Variants in MAPK9 observed in about 807,000 individuals in gnomAD.
The protein encoded by MAPK9 is mitogen-activated protein kinase 9.
In MAPK9, 30 loss-of-function variants were observed where a neutral mutation model predicts 57.1. That is an observed-to-expected ratio of 0.53 (90% CI 0.39 to 0.71). The LOEUF (loss-of-function observed/expected upper bound fraction) is 0.71, where lower values mean the gene tolerates loss of function less well. Among genes scored for constraint, MAPK9 ranks in the 30% least tolerant of loss-of-function variants. The pLI is 0.00. For synonymous variants in MAPK9, 155 were observed against 177.0 expected, an observed-to-expected ratio of 0.88 and a Z score of 0.99; for missense variants, 362 against 521.0, an observed-to-expected ratio of 0.69 and a Z score of 2.97.
At chr5:180,274,007 T>C (rs1224344790) in intron 2 of MAPK9, among the ~76,000 whole-genome samples, 1 of 152,212 alleles carries the variant, frequency 6.6e-6, no homozygotes, top group Non-Finnish European at 1.5e-5. Context: ...ACGACTGAGA[T>C]TTGATTGCAA....
chr5:180,279,391 A>G (rs1762114370), intron 2 of MAPK9, among the ~76,000 whole-genome samples: 1 of 152,188 alleles, frequency 6.6e-6, no homozygotes, highest in Non-Finnish European at 1.5e-5. Flanking sequence ...TTAGCTTCTC[A>G]AAGAAGCTCT....
rs180953105 is a variant in MAPK9 at position 180,283,469 on chromosome 5, G to A, written c.-47-2861C>T. ...AGAGCCACCCCCCATTCAGGACCCCGTGTCCACGTTGGGACTGACAGATCA... is the reference window on the plus strand; with the variant it reads ...AGAGCCACCCCCCATTCAGGACCCCATGTCCACGTTGGGACTGACAGATCA... On this transcript the variant is annotated intron_variant, in intron 1 of 11. Coordinates refer to ENST00000452135, the MANE Select transcript of MAPK9 (RefSeq NM_002752.5). Among the ~76,000 whole-genome samples, 52 of 152,218 alleles carry A rather than the reference G, an allele frequency of 3.4e-4. 1 individual carries two copies. In the East Asian group the frequency reaches 7.3e-3, roughly 21 times the overall value.
intron 2 of MAPK9, among the ~76,000 whole-genome samples, chr5:180,279,116 C>G (rs1762086875): frequency 6.6e-6 from 1 of 152,064 alleles, no homozygotes; most frequent in Non-Finnish European, 1.5e-5. Flanking sequence ...TGCCACCACA[C>G]CTGGCTAATT....
chr5:180,287,350 G>A (rs1046073690), intron 1 of MAPK9, among the ~76,000 whole-genome samples: 4 of 152,132 alleles, frequency 2.6e-5, no homozygotes, highest in African/African-American at 9.7e-5. Context: ...CTGGGGGAAG[G>A]GTACTGGGAC....
rs188171584 is a variant in MAPK9, at chr5:180,267,734, G to A, written c.252+1546C>T. ...TTTAAAAACTGCCAAGCATGGTGGC[G>A]CACGCCTATGGTCCCAGCTACTTGG... On this transcript the variant is annotated intron_variant, in intron 3 of 11. Coordinates refer to ENST00000452135, the MANE Select transcript of MAPK9 (RefSeq NM_002752.5). Among the ~76,000 whole-genome samples the A allele has an allele frequency of 5.0e-4, 76 of 152,132 alleles. 1 individual carries two copies. Among genetic ancestry groups the A allele is most frequent in the East Asian group, 4.1e-3 (21 of 5,172 alleles).
At position 180,280,315 on chromosome 5, in the gene MAPK9, T is replaced by G; in HGVS notation, c.122+125A>C. On this transcript the variant is annotated intron_variant, in intron 2 of 11. Transcript: ENST00000452135. The stretch of plus-strand genomic sequence containing the variant: ...AACTAGAGCAAGCAGTTGATTCAAT[T>G]TAGCTCATAAACCTATAACAGAGTT... 4 of 1,278,324 alleles carry G rather than the reference T, an allele frequency of 3.1e-6. No individual in the cohort carries two copies. The South Asian group carries it at 6.0e-5, about 19-fold the overall frequency. 79.2% of individuals were successfully genotyped at this position (1,278,324 alleles called of 1,614,324 possible).
intron 1 of MAPK9, among the ~76,000 whole-genome samples, chr5:180,289,385 TG>T (rs1463385484): frequency 1.3e-5 from 2 of 152,178 alleles, no homozygotes; most frequent in East Asian, 3.8e-4. Flanking sequence ...AAAATAGTAT[TG>T]TTTTTAACTC....
chr5:180,264,958 A>C, intron 3 of MAPK9, 119 bp from the exon 4 acceptor site: 4 of 727,498 alleles, frequency 5.5e-6, no homozygotes, highest in South Asian at 6.0e-5. Context: ...AGTACTTCTT[A>C]TTATTACTGC....
rs1757161036 is a variant in MAPK9, at chr5:180,236,229, C to T, written c.*155G>A. ...ATTCTGCCTCATTTTATCATCTAAG[C>T]AGGCAATCCTATCAGGTCTGAGTAG... On this transcript the variant is annotated 3_prime_UTR_variant, in exon 12 of 12. Transcript: ENST00000452135. 2.8e-6 allele frequency: 2 copies of T among 708,530 alleles called. No homozygotes were observed. Among genetic ancestry groups the T allele is most frequent in the Non-Finnish European group, 4.1e-6 (2 of 491,660 alleles). The allele number at this position is 708,530 out of a possible 1,614,324, so 43.9% of individuals were successfully genotyped here.
Position 180,247,314 on chromosome 5 carries a change from C to T in MAPK9, c.688+125G>A, listed in dbSNP as rs1758209374. The T allele has an allele frequency of 1.0e-6, 1 of 1,000,064 alleles. No homozygotes were observed. Among genetic ancestry groups the T allele is most frequent in the South Asian group, 1.4e-5 (1 of 69,794 alleles). The allele number at this position is 1,000,064 out of a possible 1,614,324, so 61.9% of individuals were successfully genotyped here. A position where few individuals can be genotyped will look rare whatever the true frequency, so the allele number is the denominator to read the frequency against. ...CTAATTAACAAATACAGTAAAGCCC[C>T]CCTTAGAACACAGTCTGGAGTGGAT... On this transcript the variant is annotated intron_variant, in intron 7 of 11. Coordinates refer to ENST00000452135, the MANE Select transcript of MAPK9 (RefSeq NM_002752.5). This position sits in a 1 kb window ranked among gnomAD's most constrained non-coding sequence, Gnocchi z 4.5.
intron 1 of MAPK9, among the ~76,000 whole-genome samples, chr5:180,288,373 G>C (rs530760313): frequency 9.9e-5 from 15 of 152,192 alleles, no homozygotes; most frequent in Non-Finnish European, 2.1e-4. Context: ...ACAACGTATG[G>C]CCTTCTCTTG....
At chr5:180,287,194 G>A (rs993154729) in intron 1 of MAPK9, 1 of 152,342 alleles carries the variant, frequency 6.6e-6, no homozygotes, top group South Asian at 2.1e-4. Flanking sequence ...TGATGACATA[G>A]TTTTGAATCT....
At chr5:180,267,517 G>A (rs745467715) in intron 3 of MAPK9, among the ~76,000 whole-genome samples, 104 of 145,466 alleles carry the variant, frequency 7.1e-4, no homozygotes, top group South Asian at 1.7e-3. Context: ...AGCTGAGATC[G>A]CGCCACTGCC....
At chr5:180,281,410 G>C (rs957763253) in intron 1 of MAPK9, among the ~76,000 whole-genome samples, 9 of 152,356 alleles carry the variant, frequency 5.9e-5, no homozygotes, top group African/African-American at 1.9e-4. Context: ...GCAGGAGCCT[G>C]GATGATTTTA....
At chr5:180,241,244 GAACA>G (rs1360670124) in intron 8 of MAPK9, 89 bp from the exon 9 acceptor site, 1 of 1,205,614 alleles carries the variant, frequency 8.3e-7, no homozygotes, top group African/African-American at 1.6e-5. Flanking sequence ...AACACAGATA[GAACA>G]AAGATATATT....
chr5:180,290,916 A>G (rs1763172154), intron 1 of MAPK9, among the ~76,000 whole-genome samples: 1 of 152,258 alleles, frequency 6.6e-6, no homozygotes, highest in South Asian at 2.1e-4. Context: ...TCGGGGAGAC[A>G]GAAAATAAGC....
chr5:180,236,262 C>T lies in MAPK9; in HGVS notation c.*122G>A. On this transcript the variant is annotated 3_prime_UTR_variant, in exon 12 of 12. Coordinates refer to ENST00000452135, the MANE Select transcript of MAPK9 (RefSeq NM_002752.5). ...CCTATCAGGTCTGAGTAGGGCAAGG[C>T]ATTGTGTTTCTTACATGCAGAACAT... 9.1e-7 allele frequency: 1 copy of T among 1,096,056 alleles called. No individual in the cohort carries two copies. The highest frequency in any genetic ancestry group is 1.3e-6 in the Non-Finnish European group (1 of 788,292). 67.9% of individuals were successfully genotyped at this position (1,096,056 alleles called of 1,614,324 possible).
At chr5:180,268,430 TAGA>T (rs1408184472) in intron 3 of MAPK9, among the ~76,000 whole-genome samples, 1 of 152,216 alleles carries the variant, frequency 6.6e-6, no homozygotes, top group Non-Finnish European at 1.5e-5. Context: ...TCCTATTTTA[TAGA>T]AACAGAGTAT....
intron 4 of MAPK9, among the ~76,000 whole-genome samples, chr5:180,263,743 T>C (rs964690335): frequency 1.3e-5 from 2 of 148,914 alleles, no homozygotes; most frequent in East Asian, 2.0e-4. Flanking sequence ...TCTTGCTCTG[T>C]CGCCCTGGCT....
Sources: gnomAD v4.1 joint callset for allele counts (sites outside exome capture counted in the v4.1 genomes callset) on GRCh38, gnomAD v4.1.1 for gene constraint, Gnocchi (gnomAD v3.1) non-coding constraint, MANE v1.5 for transcripts, NCBI Gene and HGNC (gene_info 2026-07-23, HGNC 2026-07-21) for gene names.